The following R3HDM2 variants were observed in gnomAD, a reference collection of about 807,000 sequenced individuals.
R3HDM2 encodes the protein R3H domain-containing protein 2.
R3HDM2 carries 38 observed loss-of-function variants against 124.5 expected under a neutral mutation model. The ratio of observed to expected loss-of-function variants is 0.31; its 90% CI spans 0.24 to 0.40. The LOEUF (loss-of-function observed/expected upper bound fraction) is 0.40, where lower values mean the gene tolerates loss of function less well. R3HDM2 is among the 10% of genes least tolerant of loss of function. The pLI, the probability that R3HDM2 is intolerant of heterozygous loss-of-function variation, is 1.00. For missense variants in R3HDM2, 869 were observed against 1,236.9 expected (o/e 0.70, Z 4.46); for synonymous variants, 391 against 448.0 (o/e 0.87, Z 1.61).
chr12:57,380,797 T>C (rs748379196), intron 2 of R3HDM2, among the ~76,000 whole-genome samples: 5 of 151,742 alleles, frequency 3.3e-5, no homozygotes, highest in African/African-American at 7.3e-5. Context: ...GCCAAAAAGC[T>C]ACAACATATC....
intron 2 of R3HDM2, among the ~76,000 whole-genome samples, chr12:57,388,903 G>A (rs567441174): frequency 2.0e-5 from 3 of 152,162 alleles, no homozygotes; most frequent in Non-Finnish European, 2.9e-5. Context: ...AGCAAAAACC[G>A]AATCCATAAC....
intron 2 of R3HDM2, among the ~76,000 whole-genome samples, chr12:57,323,304 G>A (rs963348486): frequency 1.3e-5 from 2 of 152,206 alleles, no homozygotes; most frequent in Non-Finnish European, 2.9e-5. Flanking sequence ...ACTGAGTTAT[G>A]AGTAAGAGAT....
In R3HDM2 at chr12:57,266,841, CAG is replaced by C. The variant is rs534790286; in HGVS notation, c.2031-12_2031-11del. 1,113 of 1,559,058 alleles carry C rather than the reference CAG, an allele frequency of 7.1e-4. 2 individuals carry two copies. The highest frequency in any genetic ancestry group is 9.5e-4 in the Non-Finnish European group (1,081 of 1,133,900). On this transcript the variant is annotated splice_polypyrimidine_tract_variant and intron_variant, in intron 18 of 23. Coordinates refer to ENST00000402412, the MANE Select transcript of R3HDM2 (RefSeq NM_001394031.1). ...AAACCCTACAGAAGGGCTGGGAAGA[CAG>C]AGAAGAGAGGAGTGGTGAAGCAGTA...
intron 22 of R3HDM2, 60 bp from the exon 23 acceptor site, chr12:57,256,134 G>C (rs2038927345): frequency 6.6e-7 from 1 of 1,506,010 alleles, no homozygotes; most frequent in Non-Finnish European, 9.2e-7. Context: ...CCTTGCATCA[G>C]AATGTCTGCC....
rs1028323684 is a variant in R3HDM2, at chr12:57,297,015, C to T, written c.560+313G>A. The T allele has an allele frequency of 1.9e-5, 5 of 265,638 alleles. No homozygotes were observed. In the South Asian group the frequency reaches 2.2e-4, roughly 12 times the overall value. 16.5% of individuals were successfully genotyped at this position (265,638 alleles called of 1,614,324 possible). ...ATTGCAGTGAGTCAAGACTGTACCACGGCGCTCCAGCCTAGGCGACAAAGA... is the reference window on the plus strand; with the variant it reads ...ATTGCAGTGAGTCAAGACTGTACCATGGCGCTCCAGCCTAGGCGACAAAGA... On this transcript the variant is annotated intron_variant, in intron 8 of 23. Coordinates refer to ENST00000402412, the MANE Select transcript of R3HDM2 (RefSeq NM_001394031.1).
chr12:57,372,381 T>C (rs1404693134), intron 2 of R3HDM2, among the ~76,000 whole-genome samples: 1 of 151,880 alleles, frequency 6.6e-6, no homozygotes, highest in Non-Finnish European at 1.5e-5. Context: ...GATTTAAAAA[T>C]AGACCACAGG....
intron 1 of R3HDM2, among the ~76,000 whole-genome samples, chr12:57,423,366 G>A (rs533891052): frequency 1.3e-5 from 2 of 152,148 alleles, no homozygotes; most frequent in Non-Finnish European, 2.9e-5. Flanking sequence ...GGAGGGTGCA[G>A]TGAGTCGACA....
chr12:57,268,951 C>T lies in R3HDM2; in HGVS notation c.1846G>A (p.Val616Ile). Residue 616 changes from valine to isoleucine, a missense_variant, in exon 17 of 24, where the codon GTT becomes ATT. Physicochemically the swap from Val to Ile is conservative, Grantham distance 29 (BLOSUM62 3). Transcript: ENST00000402412. ...TAAGAAGGCAGTGGAGTGTACTGAACCACCAGGCCTTGCATCTGGCCCCCC... is the reference window on the plus strand; with the variant it reads ...TAAGAAGGCAGTGGAGTGTACTGAATCACCAGGCCTTGCATCTGGCCCCCC... The part of the protein sequence containing the change: ...SMGGQMQGLV[V>I]QYTPLPSYQV... The T allele has an allele frequency of 6.2e-7, 1 of 1,614,174 alleles. No homozygotes were observed. Among genetic ancestry groups the T allele is most frequent in the Non-Finnish European group, 8.5e-7 (1 of 1,180,042 alleles).
Position 57,258,893 on chromosome 12 carries a change from G to C in R3HDM2, c.2298C>G (p.Pro766=). Residue 766 remains proline (P), a synonymous_variant, in exon 20 of 24, where the codon CCC becomes CCG. Coordinates refer to ENST00000402412, the MANE Select transcript of R3HDM2 (RefSeq NM_001394031.1). The part of the protein sequence containing the change: ...PGDLYSPDSS[P]QANTQMSSSP... Reference sequence around the variant, plus strand: ...CAAGGCTGAGTGCTGCACTCACCTGGGGGCTGCTGTCAGGACTGTACAGGT... The same window carrying C: ...CAAGGCTGAGTGCTGCACTCACCTGCGGGCTGCTGTCAGGACTGTACAGGT... 2 of 1,572,438 alleles carry C rather than the reference G, an allele frequency of 1.3e-6. No homozygotes were observed. The highest frequency in any genetic ancestry group is 4.6e-5 in the East Asian group (2 of 43,326).
intron 2 of R3HDM2, among the ~76,000 whole-genome samples, chr12:57,315,051 C>A (rs1029254004): frequency 2.1e-4 from 30 of 140,106 alleles, no homozygotes; most frequent in African/African-American, 7.7e-4. Flanking sequence ...TTTTTTTTTT[C>A]TCTTGTTGAG....
intron 2 of R3HDM2, among the ~76,000 whole-genome samples, chr12:57,386,141 A>G (rs1424913394): frequency 7.5e-6 from 1 of 133,428 alleles, no homozygotes; most frequent in African/African-American, 2.6e-5. Flanking sequence ...GAGAGGTGAC[A>G]GCGTGCTGGC....
At chr12:57,359,330 G>A (rs1043165037) in intron 2 of R3HDM2, among the ~76,000 whole-genome samples, 3 of 152,084 alleles carry the variant, frequency 2.0e-5, no homozygotes, top group African/African-American at 7.2e-5. Context: ...CAAAATGCTA[G>A]GTATAGGTAT....
chr12:57,270,860 C>T (rs1225635293), intron 14 of R3HDM2, among the ~76,000 whole-genome samples: 2 of 152,176 alleles, frequency 1.3e-5, no homozygotes, highest in Non-Finnish European at 2.9e-5. Flanking sequence ...TGAGCCACCG[C>T]GCCTGGCCTA....
Position 57,380,434 on chromosome 12 carries a change from G to A in R3HDM2, c.-36+15315C>T, listed in dbSNP as rs573790503. On this transcript the variant is annotated intron_variant, in intron 2 of 23. Coordinates refer to ENST00000402412, the MANE Select transcript of R3HDM2 (RefSeq NM_001394031.1). ...AGACAGAATGATGGCTGGGAAAAGAGAATACAGCAACACATCCTGCAAAGC... is the reference window on the plus strand; with the variant it reads ...AGACAGAATGATGGCTGGGAAAAGAAAATACAGCAACACATCCTGCAAAGC... Among the ~76,000 whole-genome samples the A allele has an allele frequency of 3.3e-5, 5 of 152,278 alleles. No homozygotes were observed. The South Asian group carries it at 1.0e-3, about 32-fold the overall frequency.
intron 2 of R3HDM2, among the ~76,000 whole-genome samples, chr12:57,380,623 T>G (rs183964288): frequency 6.6e-6 from 1 of 152,290 alleles, no homozygotes; most frequent in African/African-American, 2.4e-5. Context: ...AGACATCATC[T>G]TAAAACTCTT....
chr12:57,372,390 G>A (rs767886544), intron 2 of R3HDM2, among the ~76,000 whole-genome samples: 21 of 152,164 alleles, frequency 1.4e-4, no homozygotes, highest in Admixed American at 1.4e-3. Context: ...ATAGACCACA[G>A]GCTAGAAAGC....
intron 9 of R3HDM2, among the ~76,000 whole-genome samples, chr12:57,295,874 TTTTG>T (rs1324436660): frequency 2.6e-5 from 4 of 152,226 alleles, no homozygotes; most frequent in African/African-American, 7.2e-5. Flanking sequence ...AAAAAATTTT[TTTTG>T]TTTGTTTTTT....
chr12:57,379,821 A>G (rs1468289446), intron 2 of R3HDM2, among the ~76,000 whole-genome samples: 6 of 152,120 alleles, frequency 3.9e-5, no homozygotes, highest in Admixed American at 3.9e-4. Context: ...TGGCCTGACC[A>G]GAAAATAAAT....
At chr12:57,297,456 G>T in intron 7 of R3HDM2, 69 bp from the exon 8 acceptor site, 1 of 988,080 alleles carries the variant, frequency 1.0e-6, no homozygotes, top group South Asian at 1.6e-5. Context: ...ATTGAAAGTG[G>T]GGATTGAAAA....
Sources: allele counts gnomAD v4.1 joint callset (sites outside exome capture counted in the v4.1 genomes callset), GRCh38; gene constraint gnomAD v4.1.1; transcripts MANE v1.5; gene names NCBI Gene and HGNC (gene_info 2026-07-23, HGNC 2026-07-21).